Variants in RAG1 observed in about 807,000 individuals in gnomAD.
RAG1 encodes V(D)J recombination-activating protein 1.
In RAG1, 35 loss-of-function variants were observed where a neutral mutation model predicts 62.7. The ratio of observed to expected loss-of-function variants is 0.56; its 90% CI spans 0.43 to 0.74. The LOEUF is 0.74. Ranked by LOEUF, RAG1 falls within the 30% of genes least tolerant of loss-of-function variation. RAG1 has a pLI of 0.00. For synonymous variants in RAG1, 461 were observed against 470.3 expected, an observed-to-expected ratio of 0.98 and a Z score of 0.26; for missense variants, 1,169 against 1,278.6, an observed-to-expected ratio of 0.91 and a Z score of 1.31.
At chr11:36,544,792 A>T (rs1042452385) in intron 3 of RAG1, among the ~76,000 whole-genome samples, 3 of 152,160 alleles carry the variant, frequency 2.0e-5, no homozygotes, top group African/African-American at 7.2e-5. Context: ...GGCTTCCCCC[A>T]TTCTGTTCTC....
At chr11:36,527,653 G>C (rs928202626) in intron 2 of RAG1, among the ~76,000 whole-genome samples, 1 of 152,106 alleles carries the variant, frequency 6.6e-6, no homozygotes, top group African/African-American at 2.4e-5. Context: ...GGATAGCATT[G>C]AATCTATAAA....
downstream of RAG1, among the ~76,000 whole-genome samples, chr11:36,537,705 G>C (rs1398586213): frequency 6.6e-6 from 1 of 152,126 alleles, no homozygotes; most frequent in Non-Finnish European, 1.5e-5. Flanking sequence ...GCCCTAAAAA[G>C]CTAAAGCTTT....
At chr11:36,513,070 G>T (rs368597020) in intron 1 of RAG1, among the ~76,000 whole-genome samples, 2 of 152,136 alleles carry the variant, frequency 1.3e-5, no homozygotes, top group African/African-American at 4.8e-5. Flanking sequence ...TATTCTGGGA[G>T]TAGGTTCCTT....
At chr11:36,564,698 T>C (rs1040331932), upstream of RAG1, among the ~76,000 whole-genome samples, 2 of 152,154 alleles carry the variant, frequency 1.3e-5, no homozygotes, top group Admixed American at 1.3e-4. Context: ...GTAATTCACA[T>C]TGAGTTAATT....
At chr11:36,528,601 G>A (rs1301823482) in intron 2 of RAG1, among the ~76,000 whole-genome samples, 1 of 151,972 alleles carries the variant, frequency 6.6e-6, no homozygotes, top group African/African-American at 2.4e-5. Flanking sequence ...AGAAGCAAGA[G>A]CAAACCAATT....
At chr11:36,533,036 C>A (rs906611453) in intron 2 of RAG1, among the ~76,000 whole-genome samples, 2 of 152,186 alleles carry the variant, frequency 1.3e-5, no homozygotes, top group South Asian at 2.1e-4. Flanking sequence ...CAATTGTTCC[C>A]TTTTTTTCAC....
intron 2 of RAG1, among the ~76,000 whole-genome samples, chr11:36,530,373 C>A (rs1257017231): frequency 6.6e-6 from 1 of 151,582 alleles, no homozygotes; most frequent in East Asian, 1.9e-4. Flanking sequence ...CTTGCTTTGA[C>A]TTTATTTTTC....
upstream of RAG1, among the ~76,000 whole-genome samples, chr11:36,566,745 C>A (rs1850667686): frequency 6.6e-6 from 1 of 152,194 alleles, no homozygotes; most frequent in African/African-American, 2.4e-5. Context: ...TCCTAGAAGC[C>A]ACAGACCAGT....
At chr11:36,564,825 G>A (rs1850639147), upstream of RAG1, among the ~76,000 whole-genome samples, 1 of 152,190 alleles carries the variant, frequency 6.6e-6, no homozygotes, top group Non-Finnish European at 1.5e-5. Flanking sequence ...CCGATCTAGC[G>A]ACGACCTGTT....
chr11:36,535,802 A>G (rs766536251), intron 2 of RAG1, among the ~76,000 whole-genome samples: 5 of 152,190 alleles, frequency 3.3e-5, no homozygotes, highest in African/African-American at 1.2e-4. Flanking sequence ...AATTTATTAC[A>G]TAGTAGTGTG....
At chr11:36,565,013 C>A (rs1008665758), upstream of RAG1, among the ~76,000 whole-genome samples, 1 of 152,198 alleles carries the variant, frequency 6.6e-6, no homozygotes, top group Non-Finnish European at 1.5e-5. Flanking sequence ...TGAACAGGAA[C>A]ACTTTGCCCT....
At chr11:36,541,762 C>T (rs375244723) in intron 3 of RAG1, among the ~76,000 whole-genome samples, 37 of 152,182 alleles carry the variant, frequency 2.4e-4, no homozygotes, top group African/African-American at 8.2e-4. Flanking sequence ...TAGTTCATTC[C>T]GTCTGTTCTT....
intron 3 of RAG1, among the ~76,000 whole-genome samples, chr11:36,562,219 T>C (rs1349122548): frequency 1.3e-5 from 2 of 152,186 alleles, no homozygotes; most frequent in Non-Finnish European, 2.9e-5. Context: ...AAATGAAAGA[T>C]AATTCTAAGA....
chr11:36,522,255 C>A (rs914256963), intron 2 of RAG1, among the ~76,000 whole-genome samples: 1 of 152,180 alleles, frequency 6.6e-6, no homozygotes, highest in Non-Finnish European at 1.5e-5. Context: ...TTTGTGGTCC[C>A]GGCCCAGGGC....
chr11:36,529,817 G>C (rs1298635905), intron 2 of RAG1, among the ~76,000 whole-genome samples: 3 of 151,562 alleles, frequency 2.0e-5, no homozygotes. Flanking sequence ...TTTGGTATAA[G>C]GTTAATATTG....
At chr11:36,549,254 A>G (rs1170930627) in intron 3 of RAG1, among the ~76,000 whole-genome samples, 1 of 152,226 alleles carries the variant, frequency 6.6e-6, no homozygotes, top group African/African-American at 2.4e-5. Flanking sequence ...AATGGCAACA[A>G]AAGCCAAAAT....
chr11:36,537,221 TAGTTAACAATATGGTATTGTGC>T (rs1860346026), downstream of RAG1, among the ~76,000 whole-genome samples: 1 of 152,222 alleles, frequency 6.6e-6, no homozygotes, highest in African/African-American at 2.4e-5. Context: ...CTAGTATCTA[TAGTTAACAATATGGTATTGTGC>T]ACTTTAAAAT....
Position 36,573,925 on chromosome 11 carries a change from C to T in RAG1, c.621C>T (p.His207=), listed in dbSNP as rs1432915698. 8.7e-6 allele frequency: 14 copies of T among 1,614,160 alleles called. No homozygotes were observed. The highest frequency in any genetic ancestry group is 1.2e-5 in the Non-Finnish European group (14 of 1,180,034). Residue 207 remains histidine (H), a synonymous_variant, in exon 2 of 2, where the codon CAC becomes CAT. Coordinates refer to ENST00000299440, the MANE Select transcript of RAG1 (RefSeq NM_000448.3). ...ACGTGACCATGGAGTGGCACCCCCA[C>T]ACACCATCCTGTGACATCTGCAACA... is the stretch of plus-strand genomic sequence containing the variant. ...PRNVTMEWHP[H]TPSCDICNTA...
At chr11:36,562,420 A>G (rs966405271) in intron 3 of RAG1, among the ~76,000 whole-genome samples, 5 of 152,312 alleles carry the variant, frequency 3.3e-5, no homozygotes, top group African/African-American at 1.2e-4. Flanking sequence ...TCAACTTCAA[A>G]TGAGAAAATG....
Sources: allele counts gnomAD v4.1 joint callset (sites outside exome capture counted in the v4.1 genomes callset), GRCh38; gene constraint gnomAD v4.1.1; transcripts MANE v1.5; gene names NCBI Gene and HGNC (gene_info 2026-07-23, HGNC 2026-07-21).